The following IQCM variants were observed in gnomAD, a reference collection of about 807,000 sequenced individuals.
IQCM encodes IQ motif containing M, also known as IQ domain-containing protein M.
Under a neutral mutation model 57.6 loss-of-function variants are expected in IQCM, and 45 were observed. That is an observed-to-expected ratio of 0.78 (90% CI 0.62 to 1.00). The LOEUF (loss-of-function observed/expected upper bound fraction) is 1.00, where lower values mean the gene tolerates loss of function less well. IQCM is among the 50% of genes least tolerant of loss of function. The pLI is 0.00. For missense variants in IQCM, 468 were observed against 511.6 expected (o/e 0.91, Z 0.82); for synonymous variants, 148 against 158.9 (o/e 0.93, Z 0.51).
intron 13 of IQCM, among the ~76,000 whole-genome samples, chr4:149,376,436 A>G (rs1730704451): frequency 6.6e-6 from 1 of 152,144 alleles, no homozygotes; most frequent in Admixed American, 6.6e-5. Context: ...GAGATACAAG[A>G]TGCTATTGCC....
At chr4:149,724,089 T>G (rs896938074) in intron 5 of IQCM, among the ~76,000 whole-genome samples, 1 of 152,026 alleles carries the variant, frequency 6.6e-6, no homozygotes, top group Non-Finnish European at 1.5e-5. Flanking sequence ...CATAGAGGTG[T>G]TCATAGTAGT....
At chr4:149,551,234 C>G (rs946397892) in intron 11 of IQCM, among the ~76,000 whole-genome samples, 3 of 152,174 alleles carry the variant, frequency 2.0e-5, no homozygotes, top group Admixed American at 1.3e-4. Context: ...GCTTGCTGCT[C>G]CCTCTGCTTA....
intron 12 of IQCM, among the ~76,000 whole-genome samples, chr4:149,507,274 A>G (rs1743925449): frequency 6.6e-6 from 1 of 152,214 alleles, no homozygotes; most frequent in Admixed American, 6.5e-5. Flanking sequence ...GCGCTGCTGG[A>G]AAGATATCTG....
At chr4:149,428,139 A>C (rs1490797927) in intron 13 of IQCM, among the ~76,000 whole-genome samples, 1 of 151,900 alleles carries the variant, frequency 6.6e-6, no homozygotes, top group East Asian at 1.9e-4. Flanking sequence ...AGAATAGCTC[A>C]AAATTAAGCT....
chr4:149,447,424 A>G (rs191108261), intron 12 of IQCM, among the ~76,000 whole-genome samples: 2 of 151,680 alleles, frequency 1.3e-5, no homozygotes, highest in East Asian at 3.9e-4. Context: ...TATATTCCAC[A>G]TGTTCAAGAA....
intron 12 of IQCM, among the ~76,000 whole-genome samples, chr4:149,478,060 T>C (rs906921512): frequency 1.3e-5 from 2 of 152,142 alleles, no homozygotes; most frequent in Middle Eastern, 3.2e-3. Context: ...TTTGTGGAAT[T>C]AGACAAGTAA....
chr4:149,599,895 T>C (rs554448230), intron 8 of IQCM, among the ~76,000 whole-genome samples: 201 of 152,290 alleles, frequency 1.3e-3, no homozygotes, highest in Middle Eastern at 3.4e-3. Flanking sequence ...AAAGGCCAGA[T>C]TGAAGAAATG....
At chr4:149,804,650 CT>C (rs1773909626) in intron 2 of IQCM, among the ~76,000 whole-genome samples, 1 of 151,964 alleles carries the variant, frequency 6.6e-6, no homozygotes, top group South Asian at 2.1e-4. Flanking sequence ...ATGTTTATCC[CT>C]TTTTTAGAAA....
rs529957459 is a variant in IQCM, at chr4:149,672,113, C to T, written c.565+10005G>A. ...AAAGGACATCCACACCAAAACCCCA[C>T]CTATACATCACCATCATCAAAGACG... On this transcript the variant is annotated intron_variant, in intron 7 of 13. Transcript: ENST00000636793. Among the ~76,000 whole-genome samples, 17 of 152,184 alleles carry T rather than the reference C, an allele frequency of 1.1e-4. No individual in the cohort carries two copies. The East Asian group carries it at 2.7e-3, about 24-fold the overall frequency.
At chr4:149,358,948 G>T (rs1219692265) in intron 13 of IQCM, among the ~76,000 whole-genome samples, 1 of 112,470 alleles carries the variant, frequency 8.9e-6, no homozygotes, top group Non-Finnish European at 1.9e-5. Context: ...ACGGGTTGAG[G>T]GGTAGGGAGG....
intron 12 of IQCM, among the ~76,000 whole-genome samples, chr4:149,547,697 T>C (rs1476076451): frequency 2.6e-5 from 4 of 152,322 alleles, no homozygotes; most frequent in South Asian, 2.1e-4. Flanking sequence ...TGAATGGTGA[T>C]GGATATATTG....
chr4:149,753,607 G>C (rs933892703), intron 2 of IQCM, among the ~76,000 whole-genome samples: 1 of 151,852 alleles, frequency 6.6e-6, no homozygotes, highest in Non-Finnish European at 1.5e-5. Flanking sequence ...AGGAGTGTTA[G>C]CATTAGGAGA....
chr4:149,567,706 C>A (rs1296923078), intron 9 of IQCM, among the ~76,000 whole-genome samples: 1 of 152,104 alleles, frequency 6.6e-6, no homozygotes, highest in Non-Finnish European at 1.5e-5. Context: ...TTTAACCTAT[C>A]TTTTGGGTAT....
chr4:149,361,965 T>A (rs1218524414), intron 13 of IQCM, among the ~76,000 whole-genome samples: 1 of 152,082 alleles, frequency 6.6e-6, no homozygotes, highest in East Asian at 1.9e-4. Context: ...CTGTACCCTG[T>A]AAAACCACAG....
At chr4:149,454,623 G>GT (rs927621504) in intron 12 of IQCM, among the ~76,000 whole-genome samples, 2 of 151,938 alleles carry the variant, frequency 1.3e-5, no homozygotes, top group African/African-American at 2.4e-5. Context: ...AAAATAAAAG[G>GT]TTTTTTTAAA....
At chr4:149,437,502 A>G (rs1281637030) in intron 12 of IQCM, among the ~76,000 whole-genome samples, 2 of 152,032 alleles carry the variant, frequency 1.3e-5, no homozygotes, top group African/African-American at 4.8e-5. Flanking sequence ...CCCTCTTCTC[A>G]GGTAAGTGAG....
intron 12 of IQCM, among the ~76,000 whole-genome samples, chr4:149,521,278 G>GGAAAGAAACGAA (rs1222036634): frequency 3.4e-4 from 52 of 151,418 alleles, no homozygotes; most frequent in African/African-American, 1.3e-3. Context: ...ACAAAAACAA[G>GGAAAGAAACGAA]GAAAGAAAGG....
intron 13 of IQCM, among the ~76,000 whole-genome samples, chr4:149,379,184 T>A (rs543870109): frequency 6.6e-6 from 1 of 152,190 alleles, no homozygotes; most frequent in South Asian, 2.1e-4. Flanking sequence ...CAGACACTGA[T>A]GGAGAACCTC....
chr4:149,587,623 TCATTTACTGTCATTTACGG>T (rs1269569780), intron 9 of IQCM, among the ~76,000 whole-genome samples: 5 of 151,812 alleles, frequency 3.3e-5, no homozygotes, highest in African/African-American at 4.8e-5. Context: ...TACGGCATTG[TCATTTACTGTCATTTACGG>T]CATTTACTGT....
Sources: gnomAD v4.1 joint callset for allele counts (sites outside exome capture counted in the v4.1 genomes callset) on GRCh38, gnomAD v4.1.1 for gene constraint, MANE v1.5 for transcripts, NCBI Gene and HGNC (gene_info 2026-07-23, HGNC 2026-07-21) for gene names.